The following TIGAR variants were observed in gnomAD, a reference collection of about 807,000 sequenced individuals.
TIGAR encodes fructose-2,6-bisphosphatase TIGAR.
TIGAR carries 7 observed loss-of-function variants against 17.9 expected under a neutral mutation model. That is an observed-to-expected ratio of 0.39 (90% CI 0.22 to 0.73). The LOEUF (loss-of-function observed/expected upper bound fraction) is 0.73, where lower values mean the gene tolerates loss of function less well. Ranked by LOEUF, TIGAR falls within the 30% of genes least tolerant of loss-of-function variation. The pLI is 0.42. For missense variants in TIGAR, 258 were observed against 327.4 expected, an observed-to-expected ratio of 0.79 and a Z score of 1.64; for synonymous variants, 94 against 108.6, an observed-to-expected ratio of 0.87 and a Z score of 0.84.
At chr12:4,324,592 G>T (rs1864518121) in intron 1 of TIGAR, 6 of 1,595,100 alleles carry the variant, frequency 3.8e-6, no homozygotes, top group Admixed American at 1.8e-5. Flanking sequence ...CACCACTTCC[G>T]GCTTCTCCAT....
Position 4,321,379 on chromosome 12 carries a change from T to C in TIGAR, c.32+76T>C. The C allele has an allele frequency of 1.8e-5, 28 of 1,581,568 alleles. No homozygotes were observed. The highest frequency in any genetic ancestry group is 2.4e-5 in the Non-Finnish European group (28 of 1,166,010). ...TTGGAGCGGGTGAAGGGAAAACGGGTCCACCACCCTCTCCCCTCCCTGCTC... is the reference window on the plus strand; with the variant it reads ...TTGGAGCGGGTGAAGGGAAAACGGGCCCACCACCCTCTCCCCTCCCTGCTC... On this transcript the variant is annotated intron_variant, in intron 1 of 5. Coordinates refer to ENST00000179259, the MANE Select transcript of TIGAR (RefSeq NM_020375.3). This position sits in a 1 kb window ranked among gnomAD's most constrained non-coding sequence, Gnocchi z 5.2.
intron 3 of TIGAR, among the ~76,000 whole-genome samples, chr12:4,348,401 ATGAGG>A (rs1864803776): frequency 6.6e-6 from 1 of 152,224 alleles, no homozygotes; most frequent in African/African-American, 2.4e-5. Context: ...ACTCCAAAGA[ATGAGG>A]AAAAAACCAT....
intron 1 of TIGAR, among the ~76,000 whole-genome samples, chr12:4,327,717 GT>G (rs370981297): frequency 1.6e-4 from 25 of 152,264 alleles, no homozygotes; most frequent in African/African-American, 5.1e-4. Flanking sequence ...GTTTTGTTTT[GT>G]TTTTGAGGGC....
rs147603632 is a variant in TIGAR at position 4,347,123 on chromosome 12, G to T, written c.193-2696G>T. 4.2e-3 allele frequency among the ~76,000 whole-genome samples: 643 copies of T among 152,282 alleles called. 1 individual carries two copies. The highest frequency in any genetic ancestry group is 0.014 in the African/African-American group (579 of 41,528). On this transcript the variant is annotated intron_variant, in intron 3 of 5. Coordinates refer to ENST00000179259, the MANE Select transcript of TIGAR (RefSeq NM_020375.3). Reference sequence around the variant, plus strand: ...CTCCCATATTGCAGCACTTTTTACAGTAGCCAAGATTTGGAAATAATCCAA... The same window carrying T: ...CTCCCATATTGCAGCACTTTTTACATTAGCCAAGATTTGGAAATAATCCAA...
chr12:4,331,470 T>A (rs188805211), intron 2 of TIGAR, among the ~76,000 whole-genome samples, 153 bp downstream of exon 2: 2 of 152,330 alleles, frequency 1.3e-5, no homozygotes, highest in Admixed American at 1.3e-4. Context: ...AGAAATATGA[T>A]CAGGGCTGTT....
intron 1 of TIGAR, chr12:4,324,685 C>A (rs554095362): frequency 4.4e-5 from 43 of 974,124 alleles, no homozygotes; most frequent in Non-Finnish European, 6.3e-5. Context: ...CACTTGCGGC[C>A]GCTGGCACGC....
In TIGAR at chr12:4,354,733, C is replaced by CTTTTTTTTTTTTTT. The variant is rs763466512; in HGVS notation, c.*2044_*2057dup. 1 of 132,250 alleles carries CTTTTTTTTTTTTTT rather than the reference C, an allele frequency of 7.6e-6. No homozygotes were observed. Among genetic ancestry groups the CTTTTTTTTTTTTTT allele is most frequent in the African/African-American group, 2.8e-5 (1 of 35,928 alleles). The allele number at this position is 132,250 out of a possible 1,614,324, so 8.2% of individuals were successfully genotyped here. A position where few individuals can be genotyped will look rare whatever the true frequency, so the allele number is the denominator to read the frequency against. ...AGTTTTTATTTTCTTTGCTTTTTTT[C>CTTTTTTTTTTTTTT]TTTTTTTTTTTTTTTGGAGACAGAG... On this transcript the variant is annotated 3_prime_UTR_variant, in exon 6 of 6. Transcript: ENST00000179259.
intron 1 of TIGAR, chr12:4,324,338 TTTG>T: frequency 1.3e-6 from 1 of 756,260 alleles, no homozygotes; most frequent in Admixed American, 2.5e-5. Context: ...TTTTTTTTTT[TTTG>T]GAAATATGTG....
intron 1 of TIGAR, among the ~76,000 whole-genome samples, chr12:4,322,491 C>A (rs991582313): frequency 6.6e-6 from 1 of 152,188 alleles, no homozygotes; most frequent in African/African-American, 2.4e-5. Flanking sequence ...GAAATAACTT[C>A]TATAAAGAAA....
At chr12:4,336,643 C>T (rs1197129294) in intron 2 of TIGAR, among the ~76,000 whole-genome samples, 1 of 151,916 alleles carries the variant, frequency 6.6e-6, no homozygotes, top group Admixed American at 6.6e-5. Context: ...AAAGTAATAC[C>T]ATTATAATAC....
intron 1 of TIGAR, among the ~76,000 whole-genome samples, chr12:4,328,083 A>G (rs1444228020): frequency 1.3e-5 from 2 of 152,224 alleles, no homozygotes; most frequent in Non-Finnish European, 2.9e-5. Flanking sequence ...TAAAAATGAC[A>G]GGTTCCCCAT....
chr12:4,352,760 C>A lies in TIGAR; in HGVS notation c.*69C>A. 6.9e-7 allele frequency: 1 copy of A among 1,440,046 alleles called. No homozygotes were observed. The highest frequency in any genetic ancestry group is 2.3e-5 in the East Asian group (1 of 42,824). The allele number at this position is 1,440,046 out of a possible 1,614,324, so 89.2% of individuals were successfully genotyped here. A position where few individuals can be genotyped will look rare whatever the true frequency, so the allele number is the denominator to read the frequency against. On this transcript the variant is annotated 3_prime_UTR_variant, in exon 6 of 6. Transcript: ENST00000179259. ...GGAGTGCCATTGGCTTTATTTACTT[C>A]TCTCCTCTGCTAGTTCTGATTTGGA...
At chr12:4,330,198 AT>A (rs1565446238) in intron 1 of TIGAR, among the ~76,000 whole-genome samples, 6 of 152,308 alleles carry the variant, frequency 3.9e-5, no homozygotes, top group African/African-American at 1.4e-4. Flanking sequence ...CCTATGTGAC[AT>A]TTTAATTATT....
At chr12:4,328,796 C>T (rs1230973308) in intron 1 of TIGAR, among the ~76,000 whole-genome samples, 3 of 151,732 alleles carry the variant, frequency 2.0e-5, no homozygotes, top group Admixed American at 1.3e-4. Flanking sequence ...AGGCTGGTCC[C>T]GAACTCCTGA....
At chr12:4,331,807 CAG>C (rs1864606331) in intron 2 of TIGAR, among the ~76,000 whole-genome samples, 1 of 152,158 alleles carries the variant, frequency 6.6e-6, no homozygotes, top group Non-Finnish European at 1.5e-5. Flanking sequence ...AATTTGGACT[CAG>C]ATCTTTTATT....
intron 1 of TIGAR, 139 bp from the exon 2 acceptor site, chr12:4,331,141 T>C: frequency 1.3e-6 from 1 of 747,772 alleles, no homozygotes; most frequent in Non-Finnish European, 2.3e-6. Flanking sequence ...AAATTGTTTT[T>C]ACAGGTTGGA....
rs747683077 is a variant in TIGAR at position 4,321,245 on chromosome 12, C to T, written c.-27C>T. On this transcript the variant is annotated 5_prime_UTR_variant, in exon 1 of 6. Coordinates refer to ENST00000179259, the MANE Select transcript of TIGAR (RefSeq NM_020375.3). This position sits in a 1 kb window ranked among gnomAD's most constrained non-coding sequence, Gnocchi z 5.2. ...AGTGCAGGGGCAGCGCGGCGCGGGG[C>T]CACCGACGGGACGCGGCTCCGGGAA... 3 of 1,599,722 alleles carry T rather than the reference C, an allele frequency of 1.9e-6. No homozygotes were observed. In the African/African-American group the frequency reaches 4.0e-5, roughly 21 times the overall value.
intron 1 of TIGAR, among the ~76,000 whole-genome samples, chr12:4,330,207 A>ATTATAAACTAGTGCTTCAC (rs1460630001): frequency 6.6e-6 from 1 of 152,096 alleles, no homozygotes; most frequent in Non-Finnish European, 1.5e-5. Flanking sequence ...CATTTTAATT[A>ATTATAAACTAGTGCTTCAC]TTATAAACTA....
At chr12:4,342,658 A>G (rs542766030) in intron 3 of TIGAR, among the ~76,000 whole-genome samples, 198 of 152,326 alleles carry the variant, frequency 1.3e-3, no homozygotes, top group African/African-American at 4.5e-3. Context: ...TGAAGGAGAA[A>G]TAAAATCCTT....
Sources: allele counts gnomAD v4.1 joint callset (sites outside exome capture counted in the v4.1 genomes callset), GRCh38; gene constraint gnomAD v4.1.1; non-coding constraint Gnocchi (gnomAD v3.1); transcripts MANE v1.5; gene names NCBI Gene and HGNC (gene_info 2026-07-23, HGNC 2026-07-21).